Variants in SPTBN4 observed in about 807,000 individuals in gnomAD.
The protein encoded by SPTBN4 is spectrin beta, non-erythrocytic 4, also known as spectrin beta chain, non-erythrocytic 4.
Under a neutral mutation model 277.8 loss-of-function variants are expected in SPTBN4, and 96 were observed. That is an observed-to-expected ratio of 0.35 (90% confidence interval 0.29 to 0.41). The LOEUF is 0.41. Ranked by LOEUF, SPTBN4 falls within the 10% of genes least tolerant of loss-of-function variation. SPTBN4 has a pLI of 1.00. For synonymous variants in SPTBN4, 1,481 were observed against 1,580.3 expected (o/e 0.94, Z 1.49); for missense variants, 3,006 against 3,595.7 (o/e 0.84, Z 4.19).
chr19:40,488,181 G>T (rs1362978863), intron 3 of SPTBN4, among the ~76,000 whole-genome samples: 2 of 152,002 alleles, frequency 1.3e-5, no homozygotes, highest in Non-Finnish European at 2.9e-5. Flanking sequence ...TGTTAGAAGG[G>T]ACTGGCCCGG....
chr19:40,528,985 A>C, intron 17 of SPTBN4, 56 bp from the exon 18 acceptor site: 3 of 1,395,210 alleles, frequency 2.2e-6, no homozygotes, highest in Non-Finnish European at 3.0e-6. Context: ...TCCTACTGCC[A>C]GCGCCGCACC....
At chr19:40,473,484 A>G (rs1017831296) in intron 2 of SPTBN4, among the ~76,000 whole-genome samples, 4 of 150,918 alleles carry the variant, frequency 2.7e-5, no homozygotes, top group African/African-American at 9.8e-5. Flanking sequence ...CAGCCTCCCT[A>G]GTAGCTGGGA....
In SPTBN4 at chr19:40,566,227, G is replaced by T. The variant is rs1289898949; in HGVS notation, c.6204G>T (p.Glu2068Asp). 6.4e-7 allele frequency: 1 copy of T among 1,555,480 alleles called. No individual in the cohort carries two copies. Among genetic ancestry groups the T allele is most frequent in the Non-Finnish European group, 8.7e-7 (1 of 1,149,180 alleles). The change falls in exon 30 of 36, where the codon GAG becomes GAT. Residue 2068 changes from glutamate to aspartate, a missense_variant. Glu to Asp is a conservative substitution (Grantham distance 45, BLOSUM62 2). This residue lies in a region of SPTBN4 where 425 missense variants were observed against 594.7 expected (regional missense o/e 0.71). Coordinates refer to ENST00000598249, the MANE Select transcript of SPTBN4 (RefSeq NM_020971.3). Reference protein sequence around the residue: ...VVADAWLTAQEPLLQSRELGS... With the variant: ...VVADAWLTAQDPLLQSRELGS... Reference sequence around the variant, plus strand: ...CTGATGCCTGGCTGACAGCCCAGGAGCCGCTCCTGCAGAGCCGGGAGCTGG... The same window carrying T: ...CTGATGCCTGGCTGACAGCCCAGGATCCGCTCCTGCAGAGCCGGGAGCTGG...
rs201387261 is a variant in SPTBN4 at position 40,556,098 on chromosome 19, G to A, written c.5099G>A (p.Arg1700Gln). The A allele has an allele frequency of 6.3e-5, 102 of 1,611,248 alleles. No individual in the cohort carries two copies. The highest frequency in any genetic ancestry group is 2.2e-4 in the East Asian group (10 of 44,864). The change falls in exon 25 of 36, where the codon CGG becomes CAG. Residue 1700 changes from arginine to glutamine, a missense_variant. Arg to Gln is a conservative substitution (Grantham distance 43). Transcript: ENST00000598249. The part of the protein sequence containing the change: ...MGHPDSEQIS[R>Q]RQSQVDRLYV... Reference sequence around the variant, plus strand: ...TCCCCCTTCAGCGAGCAGATCAGCCGGCGGCAGTCTCAGGTGGACCGCCTG... The same window carrying A: ...TCCCCCTTCAGCGAGCAGATCAGCCAGCGGCAGTCTCAGGTGGACCGCCTG...
intron 32 of SPTBN4, among the ~76,000 whole-genome samples, chr19:40,570,104 T>C (rs2081139744): frequency 1.3e-5 from 2 of 151,298 alleles, no homozygotes; most frequent in African/African-American, 2.4e-5. Context: ...CCCAAATTTC[T>C]TCATAGCCTC....
At chr19:40,575,115 C>G (rs1898666649) in intron 35 of SPTBN4, among the ~76,000 whole-genome samples, 1 of 151,956 alleles carries the variant, frequency 6.6e-6, no homozygotes, top group Non-Finnish European at 1.5e-5. Flanking sequence ...AGCACAGGGC[C>G]TAGTAAATAT....
At chr19:40,552,603 G>A (rs2080931456) in intron 22 of SPTBN4, among the ~76,000 whole-genome samples, 1 of 151,986 alleles carries the variant, frequency 6.6e-6, no homozygotes, top group Non-Finnish European at 1.5e-5. Flanking sequence ...ACCAAACAAT[G>A]TATGTTGGAA....
At chr19:40,521,641 C>G (rs879738590) in intron 16 of SPTBN4, among the ~76,000 whole-genome samples, 3 of 152,190 alleles carry the variant, frequency 2.0e-5, no homozygotes, top group Non-Finnish European at 4.4e-5. Context: ...ACTCGCCCCC[C>G]CTCCACCTCC....
Position 40,568,094 on chromosome 19 carries a change from T to A in SPTBN4, c.6768T>A (p.Asp2256Glu), listed in dbSNP as rs1415704233. ...RRRPERQESVDQSEEAARRRR... is the reference protein window; with the variant it reads ...RRRPERQESVEQSEEAARRRR... ...GGCCTGAGCGGCAAGAGTCAGTCGATCAATCCGAGGAGGCTGCGCGGAGGC... is the reference window on the plus strand; with the variant it reads ...GGCCTGAGCGGCAAGAGTCAGTCGAACAATCCGAGGAGGCTGCGCGGAGGC... Residue 2256 changes from aspartate (D) to glutamate (E), a missense_variant, in exon 31 of 36, where the codon GAT becomes GAA. Transcript: ENST00000598249. 1 of 1,566,224 alleles carries A rather than the reference T, an allele frequency of 6.4e-7. No individual in the cohort carries two copies. The highest frequency in any genetic ancestry group is 8.7e-7 in the Non-Finnish European group (1 of 1,155,904).
intron 7 of SPTBN4, among the ~76,000 whole-genome samples, 156 bp from the exon 8 acceptor site, chr19:40,501,765 T>C (rs2080265271): frequency 6.6e-6 from 1 of 152,236 alleles, no homozygotes; most frequent in Non-Finnish European, 1.5e-5. Context: ...TAGATTTCTA[T>C]TTGACGGATA....
intron 16 of SPTBN4, 62 bp downstream of exon 16, chr19:40,520,213 G>T: frequency 2.0e-6 from 2 of 1,004,522 alleles, no homozygotes; most frequent in South Asian, 2.5e-5. Flanking sequence ...GGATTGCAGG[G>T]ACAGGGACAT....
At chr19:40,542,723 A>C (rs1011254350) in intron 20 of SPTBN4, among the ~76,000 whole-genome samples, 1 of 151,106 alleles carries the variant, frequency 6.6e-6, no homozygotes, top group African/African-American at 2.4e-5. Context: ...AGGAGTGCAC[A>C]TTCAGGGACT....
chr19:40,470,879 C>T (rs1599701619), intron 1 of SPTBN4, among the ~76,000 whole-genome samples: 1 of 151,932 alleles, frequency 6.6e-6, no homozygotes, highest in African/African-American at 2.4e-5. Context: ...GATCCGCCTG[C>T]CTCGGCCTCC....
intron 14 of SPTBN4, among the ~76,000 whole-genome samples, chr19:40,513,897 A>G (rs1016571657): frequency 3.3e-5 from 5 of 151,784 alleles, no homozygotes; most frequent in African/African-American, 1.2e-4. Flanking sequence ...CATGAAATCA[A>G]CGACCTATGC....
At chr19:40,484,494 A>G (rs2080046619) in intron 2 of SPTBN4, among the ~76,000 whole-genome samples, 2 of 152,328 alleles carry the variant, frequency 1.3e-5, no homozygotes, top group South Asian at 4.1e-4. Flanking sequence ...GTTGGCAGGA[A>G]GACTTAGCTC....
At position 40,519,733 on chromosome 19, in the gene SPTBN4, C is replaced by T. The variant is rs1307752616; in HGVS notation, c.3236C>T (p.Ala1079Val). 2 of 1,408,126 alleles carry T rather than the reference C, an allele frequency of 1.4e-6. No homozygotes were observed. The highest frequency in any genetic ancestry group is 9.1e-7 in the Non-Finnish European group (1 of 1,093,252). The allele number at this position is 1,408,126 out of a possible 1,614,324, so 87.2% of individuals were successfully genotyped here. A position where few individuals can be genotyped will look rare whatever the true frequency, so the allele number is the denominator to read the frequency against. Residue 1079 changes from alanine to valine, a missense_variant, in exon 16 of 36, where the codon GCC becomes GTC. By Grantham distance (64) the Ala-to-Val change is moderately conservative (BLOSUM62 0). Coordinates refer to ENST00000598249, the MANE Select transcript of SPTBN4 (RefSeq NM_020971.3). The surrounding 1 kb of genome is among the most constrained non-coding windows in gnomAD (Gnocchi z 5.7). Reference protein sequence around the residue: ...EWGALASAAQACGEAVAAAGR... With the variant: ...EWGALASAAQVCGEAVAAAGR... ...GGCGCGCTAGCTAGCGCGGCTCAGG[C>T]CTGCGGCGAGGCGGTGGCGGCAGCA... is the stretch of plus-strand genomic sequence containing the variant.
At chr19:40,532,238 G>A (rs2080683650) in intron 18 of SPTBN4, among the ~76,000 whole-genome samples, 1 of 151,278 alleles carries the variant, frequency 6.6e-6, no homozygotes, top group Admixed American at 6.6e-5. Flanking sequence ...GGGAGGGGTG[G>A]TCCTGGGGAT....
intron 13 of SPTBN4, among the ~76,000 whole-genome samples, chr19:40,507,177 T>A (rs1317386312): frequency 6.6e-6 from 1 of 151,766 alleles, no homozygotes; most frequent in Non-Finnish European, 1.5e-5. Context: ...TAGGTAGGCA[T>A]GGTGGTGCAC....
At position 40,502,599 on chromosome 19, in the gene SPTBN4, T is replaced by A; in HGVS notation, c.1203+92T>A. The stretch of plus-strand genomic sequence containing the variant: ...AAGGGAATCATTCACATTGTAGACA[T>A]GATGGATTAGATATTCATTCTGACA... On this transcript the variant is annotated intron_variant, in intron 10 of 35. Transcript: ENST00000598249. The surrounding 1 kb of genome is among the most constrained non-coding windows in gnomAD (Gnocchi z 4.9). 1.4e-6 allele frequency: 2 copies of A among 1,435,312 alleles called. No individual in the cohort carries two copies. Among genetic ancestry groups the A allele is most frequent in the Non-Finnish European group, 9.5e-7 (1 of 1,057,616 alleles). 88.9% of individuals were successfully genotyped at this position (1,435,312 alleles called of 1,614,324 possible). A position where few individuals can be genotyped will look rare whatever the true frequency, so the allele number is the denominator to read the frequency against.
Sources: allele counts gnomAD v4.1 joint callset (sites outside exome capture counted in the v4.1 genomes callset), GRCh38; gene constraint gnomAD v4.1.1; regional missense constraint gnomAD v4.1.1; non-coding constraint Gnocchi (gnomAD v3.1); transcripts MANE v1.5; gene names NCBI Gene and HGNC (gene_info 2026-07-23, HGNC 2026-07-21).